JAZF1: variants seen among roughly 807,000 people sequenced by gnomAD.
The protein encoded by JAZF1 is juxtaposed with another zinc finger protein 1.
A neutral mutation model predicts 26.4 loss-of-function variants in JAZF1; 8 were observed. The observed-to-expected ratio is 0.30, with a 90% CI of 0.18 to 0.55. JAZF1 has a LOEUF of 0.55. JAZF1 is among the 20% of genes least tolerant of loss of function. JAZF1 has a pLI of 0.94. For synonymous variants in JAZF1, 126 were observed against 122.3 expected (o/e 1.03, Z -0.20); for missense variants, 199 against 322.0 (o/e 0.62, Z 2.92).
intron 1 of JAZF1, among the ~76,000 whole-genome samples, chr7:27,992,971 C>T (rs987987009): frequency 4.6e-5 from 7 of 152,108 alleles, no homozygotes; most frequent in Admixed American, 3.9e-4. Context: ...TCCACTAACT[C>T]CAAAGTGCAT....
chr7:27,929,936 TTCTCTC>T (rs112011020), intron 2 of JAZF1, among the ~76,000 whole-genome samples: 3,294 of 144,770 alleles, frequency 0.023, 68 homozygotes, highest in East Asian at 0.12. Context: ...ATTTTCTGCA[TTCTCTC>T]TCTCTCTCTC....
intron 3 of JAZF1, among the ~76,000 whole-genome samples, chr7:27,858,420 CCAAGA>C (rs1783311413): frequency 6.6e-6 from 1 of 152,114 alleles, no homozygotes; most frequent in Non-Finnish European, 1.5e-5. Flanking sequence ...GCCCATATAG[CCAAGA>C]CAATCCTAAG....
chr7:27,852,882 G>T (rs1257016615), intron 3 of JAZF1, among the ~76,000 whole-genome samples: 1 of 152,082 alleles, frequency 6.6e-6, no homozygotes, highest in East Asian at 1.9e-4. Flanking sequence ...ACCACACCTT[G>T]GTCGATGGAA....
chr7:28,054,874 A>G (rs552324276), intron 1 of JAZF1, among the ~76,000 whole-genome samples: 1 of 152,170 alleles, frequency 6.6e-6, no homozygotes, highest in Non-Finnish European at 1.5e-5. Context: ...TTTACCTCAT[A>G]GACTTACCCA....
chr7:27,918,867 G>A (rs1306876412), intron 2 of JAZF1, among the ~76,000 whole-genome samples: 1 of 152,142 alleles, frequency 6.6e-6, no homozygotes, highest in African/African-American at 2.4e-5. Flanking sequence ...AAAATTTGGT[G>A]AGCTTATACT....
At chr7:27,983,862 T>C (rs1323909818) in intron 2 of JAZF1, among the ~76,000 whole-genome samples, 2 of 152,108 alleles carry the variant, frequency 1.3e-5, no homozygotes, top group Non-Finnish European at 2.9e-5. Flanking sequence ...GCTTCATAAG[T>C]GAAGGAGAAA....
chr7:28,075,018 T>C (rs1248728041), intron 1 of JAZF1, among the ~76,000 whole-genome samples: 1 of 152,118 alleles, frequency 6.6e-6, no homozygotes, highest in African/African-American at 2.4e-5. Flanking sequence ...AAATCCACTT[T>C]TAAAGAACTG....
intron 2 of JAZF1, among the ~76,000 whole-genome samples, chr7:27,909,509 C>A (rs1784323630): frequency 6.6e-6 from 1 of 151,946 alleles, no homozygotes; most frequent in African/African-American, 2.4e-5. Flanking sequence ...GAGTTCGAGA[C>A]CAGCCTGACC....
At chr7:28,093,529 G>C (rs764315573) in intron 1 of JAZF1, among the ~76,000 whole-genome samples, 1 of 152,178 alleles carries the variant, frequency 6.6e-6, no homozygotes, top group Non-Finnish European at 1.5e-5. Flanking sequence ...AAAAATTACT[G>C]ATTGGATAAC....
At chr7:27,884,678 G>A (rs773822787) in intron 3 of JAZF1, among the ~76,000 whole-genome samples, 2 of 152,182 alleles carry the variant, frequency 1.3e-5, no homozygotes, top group Non-Finnish European at 2.9e-5. Context: ...TTTGTTGTGT[G>A]TGTATCAGTA....
At chr7:28,121,370 C>A (rs764207982) in intron 1 of JAZF1, among the ~76,000 whole-genome samples, 1 of 152,010 alleles carries the variant, frequency 6.6e-6, no homozygotes, top group South Asian at 2.1e-4. Flanking sequence ...GATCTACAAG[C>A]GCAAAGTAAG....
intron 1 of JAZF1, among the ~76,000 whole-genome samples, chr7:28,101,724 A>G (rs1319337296): frequency 6.6e-6 from 1 of 152,152 alleles, no homozygotes; most frequent in Non-Finnish European, 1.5e-5. Context: ...AGTCTGGGTG[A>G]TAGAGCAAAA....
Position 27,895,448 on chromosome 7 carries a change from G to A in JAZF1, c.189-32C>T, listed in dbSNP as rs773368387. ...CAATAATGGAAGGTAAGGAACCTGGGCCATGTATAGAGCATGAGGACTGAT... is the reference window on the plus strand; with the variant it reads ...CAATAATGGAAGGTAAGGAACCTGGACCATGTATAGAGCATGAGGACTGAT... On this transcript the variant is annotated intron_variant, in intron 2 of 4. Coordinates refer to ENST00000283928, the MANE Select transcript of JAZF1 (RefSeq NM_175061.4). The A allele has an allele frequency of 1.3e-5, 20 of 1,510,436 alleles. No individual in the cohort carries two copies. In the South Asian group the frequency reaches 2.2e-4, roughly 17 times the overall value. 93.6% of individuals were successfully genotyped at this position (1,510,436 alleles called of 1,614,324 possible). A position where few individuals can be genotyped will look rare whatever the true frequency, so the allele number is the denominator to read the frequency against.
At chr7:27,984,685 T>C (rs946921006) in intron 2 of JAZF1, among the ~76,000 whole-genome samples, 3 of 152,194 alleles carry the variant, frequency 2.0e-5, no homozygotes, top group African/African-American at 7.2e-5. Context: ...TATTCCAAAA[T>C]TGACCACATA....
At chr7:28,131,147 C>A (rs563186094) in intron 1 of JAZF1, among the ~76,000 whole-genome samples, 73 of 152,250 alleles carry the variant, frequency 4.8e-4, no homozygotes, top group African/African-American at 1.7e-3. Flanking sequence ...TTTTAAGAAG[C>A]CCTAACTTCC....
At chr7:27,995,169 T>C (rs1311687502) in intron 1 of JAZF1, among the ~76,000 whole-genome samples, 1 of 152,182 alleles carries the variant, frequency 6.6e-6, no homozygotes, top group Non-Finnish European at 1.5e-5. Flanking sequence ...GAATATAATA[T>C]GAAATGAGAT....
chr7:27,872,544 C>A (rs557329440), intron 3 of JAZF1, among the ~76,000 whole-genome samples: 101 of 152,254 alleles, frequency 6.6e-4, no homozygotes, highest in Admixed American at 1.5e-3. Context: ...TACCTTCAGC[C>A]AGGGGATGTT....
intron 1 of JAZF1, among the ~76,000 whole-genome samples, chr7:28,144,856 C>A (rs546724176): frequency 2.6e-5 from 4 of 152,130 alleles, no homozygotes; most frequent in Non-Finnish European, 5.9e-5. Flanking sequence ...TGGAAAATGG[C>A]ACTTGGCTTC....
At chr7:28,081,607 G>A (rs556661102) in intron 1 of JAZF1, among the ~76,000 whole-genome samples, 34 of 152,122 alleles carry the variant, frequency 2.2e-4, no homozygotes, top group South Asian at 6.2e-4. Context: ...GCATTGTAGC[G>A]GCCTCTGCTC....
Sources: gnomAD v4.1 joint callset for allele counts (sites outside exome capture counted in the v4.1 genomes callset) on GRCh38, gnomAD v4.1.1 for gene constraint, MANE v1.5 for transcripts, NCBI Gene and HGNC (gene_info 2026-07-23, HGNC 2026-07-21) for gene names.